Variants in RPTOR observed in about 807,000 individuals in gnomAD.
RPTOR encodes the protein regulatory associated protein of MTOR complex 1.
RPTOR carries 21 observed loss-of-function variants against 169.9 expected under a neutral mutation model. The ratio of observed to expected loss-of-function variants is 0.12; its 90% CI spans 0.09 to 0.18. RPTOR has a LOEUF of 0.18. RPTOR is among the 10% of genes least tolerant of loss of function. The probability of loss-of-function intolerance (pLI) is 1.00; values close to 1 mark genes in which losing one functional copy is unlikely to be tolerated. For synonymous variants in RPTOR, 732 were observed against 753.2 expected (o/e 0.97, Z 0.46); for missense variants, 1,133 against 1,855.9 (o/e 0.61, Z 7.16).
intron 6 of RPTOR, among the ~76,000 whole-genome samples, chr17:80,776,268 A>G (rs2066890920): frequency 6.6e-6 from 1 of 151,954 alleles, no homozygotes; most frequent in South Asian, 2.1e-4. Flanking sequence ...TGTTTCTGGG[A>G]ATAAGATCAG....
chr17:80,836,578 A>G (rs1272630354), intron 9 of RPTOR, among the ~76,000 whole-genome samples: 1 of 152,188 alleles, frequency 6.6e-6, no homozygotes, highest in African/African-American at 2.4e-5. Flanking sequence ...CCTCTGCCAC[A>G]GGGCTAGAGA....
chr17:80,772,295 T>A (rs1396677837), intron 6 of RPTOR, among the ~76,000 whole-genome samples: 2 of 152,178 alleles, frequency 1.3e-5, no homozygotes, highest in African/African-American at 4.8e-5. Flanking sequence ...AAAAACTCAA[T>A]ACTAGCAATT....
intron 9 of RPTOR, among the ~76,000 whole-genome samples, chr17:80,831,045 A>C (rs553125862): frequency 1.3e-5 from 2 of 152,236 alleles, no homozygotes; most frequent in South Asian, 4.1e-4. Context: ...CGCGCCCAAT[A>C]GGGAACATCA....
At chr17:80,896,940 T>A (rs967538166) in intron 20 of RPTOR, among the ~76,000 whole-genome samples, 1 of 152,222 alleles carries the variant, frequency 6.6e-6, no homozygotes, top group Non-Finnish European at 1.5e-5. Flanking sequence ...ATATCTTTTT[T>A]AAAACCTGTT....
chr17:80,698,617 C>T (rs950534198), intron 3 of RPTOR, among the ~76,000 whole-genome samples: 1 of 152,204 alleles, frequency 6.6e-6, no homozygotes, highest in African/African-American at 2.4e-5. Context: ...TAACATCCTC[C>T]CTTTTGTTCT....
chr17:80,886,455 T>G (rs2068247671), intron 17 of RPTOR, among the ~76,000 whole-genome samples: 1 of 152,230 alleles, frequency 6.6e-6, no homozygotes, highest in African/African-American at 2.4e-5. Flanking sequence ...TGGCCCCTGC[T>G]GAATTCTTTT....
intron 21 of RPTOR, among the ~76,000 whole-genome samples, chr17:80,911,409 T>C (rs2068611612): frequency 6.6e-6 from 1 of 152,228 alleles, no homozygotes; most frequent in Non-Finnish European, 1.5e-5. Flanking sequence ...TCAATTAAGT[T>C]AATGTTTTCA....
At chr17:80,828,353 T>A (rs1026588736) in intron 9 of RPTOR, among the ~76,000 whole-genome samples, 1 of 152,186 alleles carries the variant, frequency 6.6e-6, no homozygotes. Flanking sequence ...CATTTTGCAG[T>A]CAGCTGCATC....
In RPTOR at chr17:80,632,996, C is replaced by T. The variant is rs536962424; in HGVS notation, c.265+7203C>T. Among the ~76,000 whole-genome samples the T allele has an allele frequency of 3.3e-5, 5 of 152,136 alleles. No individual in the cohort carries two copies. The East Asian group carries it at 7.7e-4, about 23-fold the overall frequency. ...AATTTTTTATGGAGACAGGGTCTCA[C>T]TTTGTTGCTCAGGCTGGTCTCGAAC... is the stretch of plus-strand genomic sequence containing the variant. On this transcript the variant is annotated intron_variant, in intron 2 of 33. Coordinates refer to ENST00000306801, the MANE Select transcript of RPTOR (RefSeq NM_020761.3).
chr17:80,930,656 C>T (rs2068886677), intron 24 of RPTOR, among the ~76,000 whole-genome samples: 1 of 152,262 alleles, frequency 6.6e-6, no homozygotes, highest in Non-Finnish European at 1.5e-5. Flanking sequence ...AGGTCGATTC[C>T]CCTCCAGGAA....
intron 6 of RPTOR, among the ~76,000 whole-genome samples, chr17:80,776,426 C>T (rs1409645882): frequency 1.4e-5 from 2 of 146,676 alleles, no homozygotes; most frequent in African/African-American, 5.1e-5. Context: ...TGGATTCAAG[C>T]GATTCTCCTG....
At chr17:80,712,290 T>C (rs34479366) in intron 4 of RPTOR, among the ~76,000 whole-genome samples, 37,768 of 152,082 alleles carry the variant, frequency 0.25, 6,134 homozygotes, top group African/African-American at 0.47. Flanking sequence ...GCTGAATGTG[T>C]GATTTCCTGC....
Position 80,679,480 on chromosome 17 carries a change from C to T in RPTOR, c.349-28361C>T, listed in dbSNP as rs147202948. Among the ~76,000 whole-genome samples, 19 of 152,264 alleles carry T rather than the reference C, an allele frequency of 1.2e-4. No individual in the cohort carries two copies. The East Asian group carries it at 2.9e-3, about 23-fold the overall frequency. Reference sequence around the variant, plus strand: ...TCTAAGTTTTCGTTTCCTTTTTACTCGGCTCAGGAATAGTAAGATGCCTTT... The same window carrying T: ...TCTAAGTTTTCGTTTCCTTTTTACTTGGCTCAGGAATAGTAAGATGCCTTT... On this transcript the variant is annotated intron_variant, in intron 3 of 33. Transcript: ENST00000306801.
intron 1 of RPTOR, among the ~76,000 whole-genome samples, chr17:80,607,176 T>C (rs922094581): frequency 6.6e-6 from 1 of 152,166 alleles, no homozygotes. Context: ...TTGCCTCAAG[T>C]GATCTTCCTG....
At chr17:80,898,156 A>C (rs909486675) in intron 20 of RPTOR, among the ~76,000 whole-genome samples, 1 of 152,160 alleles carries the variant, frequency 6.6e-6, no homozygotes. Context: ...CTATTTCTTC[A>C]TAAGCTAGCT....
chr17:80,757,323 GGAA>G (rs1421425220), intron 6 of RPTOR, among the ~76,000 whole-genome samples: 2 of 152,160 alleles, frequency 1.3e-5, no homozygotes, highest in African/African-American at 4.8e-5. Context: ...CCAGTGAGGC[GGAA>G]GACCCTCTTG....
chr17:80,600,924 G>A (rs1168529271), intron 1 of RPTOR, among the ~76,000 whole-genome samples: 2 of 79,222 alleles, frequency 2.5e-5, no homozygotes, highest in Non-Finnish European at 5.8e-5. Context: ...AGCGTCTCCC[G>A]CCGCACGTGC....
At chr17:80,716,935 T>C (rs2066243830) in intron 4 of RPTOR, among the ~76,000 whole-genome samples, 2 of 152,256 alleles carry the variant, frequency 1.3e-5, no homozygotes, top group African/African-American at 4.8e-5. Context: ...TATGTGCCTG[T>C]TTTTATACCA....
At chr17:80,866,300 A>G (rs1366062107) in intron 13 of RPTOR, among the ~76,000 whole-genome samples, 2 of 152,140 alleles carry the variant, frequency 1.3e-5, no homozygotes, top group Admixed American at 1.3e-4. Context: ...AGCTCTGAAC[A>G]GTGCTGAGAG....
Sources: allele counts gnomAD v4.1 joint callset (sites outside exome capture counted in the v4.1 genomes callset), GRCh38; gene constraint gnomAD v4.1.1; transcripts MANE v1.5; gene names NCBI Gene and HGNC (gene_info 2026-07-23, HGNC 2026-07-21).